SYT1: variants seen among roughly 807,000 people sequenced by gnomAD.
SYT1 encodes the protein synaptotagmin 1, also known as synaptotagmin-1.
A neutral mutation model predicts 44.8 loss-of-function variants in SYT1; 8 were observed. The observed-to-expected ratio is 0.18, with a 90% confidence interval of 0.10 to 0.32. SYT1 has a LOEUF of 0.32. Among genes scored for constraint, SYT1 ranks in the 10% least tolerant of loss-of-function variants. SYT1 has a pLI of 1.00. For synonymous variants in SYT1, 154 were observed against 188.8 expected (o/e 0.82, Z 1.51); for missense variants, 286 against 509.3 (o/e 0.56, Z 4.22).
intron 1 of SYT1, among the ~76,000 whole-genome samples, chr12:78,877,421 A>T (rs1446735831): frequency 1.3e-5 from 2 of 151,652 alleles, no homozygotes; most frequent in Admixed American, 6.6e-5. Flanking sequence ...CTACAATTCA[A>T]GATGATATCT....
intron 2 of SYT1, among the ~76,000 whole-genome samples, chr12:79,018,273 T>C (rs1334596027): frequency 7.0e-6 from 1 of 143,598 alleles, no homozygotes; most frequent in African/African-American, 2.6e-5. Flanking sequence ...ATGTTCTCAC[T>C]CATAGGTGGG....
intron 9 of SYT1, among the ~76,000 whole-genome samples, chr12:79,382,120 G>A (rs934767077): frequency 1.3e-5 from 2 of 152,232 alleles, no homozygotes; most frequent in Admixed American, 6.5e-5. Flanking sequence ...TTAAAGAAAC[G>A]CTACAGATGA....
At chr12:78,964,684 T>C (rs940076643) in intron 1 of SYT1, among the ~76,000 whole-genome samples, 1 of 152,186 alleles carries the variant, frequency 6.6e-6, no homozygotes, top group African/African-American at 2.4e-5. Flanking sequence ...AGTAAAAGAA[T>C]TCCTGTAAGT....
At chr12:78,956,319 G>A (rs1879215590) in intron 1 of SYT1, among the ~76,000 whole-genome samples, 1 of 152,048 alleles carries the variant, frequency 6.6e-6, no homozygotes, top group South Asian at 2.1e-4. Context: ...CACACTTATT[G>A]AGTTTGAATC....
At chr12:79,210,572 G>A (rs1232101900) in intron 3 of SYT1, among the ~76,000 whole-genome samples, 1 of 152,132 alleles carries the variant, frequency 6.6e-6, no homozygotes, top group South Asian at 2.1e-4. Context: ...TGCAAGTGCC[G>A]TTTATTCATT....
intron 1 of SYT1, chr12:78,960,533 T>C (rs1565737679): frequency 6.6e-6 from 1 of 152,186 alleles, no homozygotes; most frequent in Non-Finnish European, 1.5e-5. Flanking sequence ...GTGAGCTAAA[T>C]GTAACAAACA....
At chr12:79,194,974 G>A (rs546286823) in intron 3 of SYT1, among the ~76,000 whole-genome samples, 1 of 152,254 alleles carries the variant, frequency 6.6e-6, no homozygotes, top group East Asian at 1.9e-4. Context: ...AAGCTATTTT[G>A]CTAAACTTTA....
At chr12:79,269,913 T>C (rs1878332574) in intron 4 of SYT1, among the ~76,000 whole-genome samples, 1 of 152,224 alleles carries the variant, frequency 6.6e-6, no homozygotes, top group Non-Finnish European at 1.5e-5. Context: ...GGACCTCTGA[T>C]TGATTTAATC....
intron 3 of SYT1, among the ~76,000 whole-genome samples, chr12:79,130,507 T>C (rs900433926): frequency 1.3e-5 from 2 of 152,188 alleles, no homozygotes; most frequent in African/African-American, 2.4e-5. Context: ...TTCCAGATAA[T>C]ATATTCAAGA....
chr12:79,117,245 T>C (rs1001083788), intron 3 of SYT1, among the ~76,000 whole-genome samples: 6 of 152,106 alleles, frequency 3.9e-5, no homozygotes, highest in Admixed American at 1.3e-4. Context: ...GGTGCCTCAA[T>C]ATGTATTGAG....
At chr12:79,269,149 T>A (rs1429454211) in intron 4 of SYT1, among the ~76,000 whole-genome samples, 1 of 151,982 alleles carries the variant, frequency 6.6e-6, no homozygotes, top group African/African-American at 2.4e-5. Context: ...CTGGGCTCAA[T>A]GTTTTCATAC....
At chr12:79,432,780 A>C (rs1869874789) in intron 9 of SYT1, among the ~76,000 whole-genome samples, 1 of 151,954 alleles carries the variant, frequency 6.6e-6, no homozygotes, top group South Asian at 2.1e-4. Context: ...CACCCGGCTA[A>C]TTTTTGTATT....
At chr12:79,376,002 A>C (rs1369588584) in intron 9 of SYT1, among the ~76,000 whole-genome samples, 2 of 152,232 alleles carry the variant, frequency 1.3e-5, no homozygotes, top group East Asian at 3.8e-4. Flanking sequence ...AAAATGATTA[A>C]TCATTTCTAT....
chr12:79,014,028 G>A (rs930476541), intron 2 of SYT1, among the ~76,000 whole-genome samples: 1 of 150,626 alleles, frequency 6.6e-6, no homozygotes, highest in African/African-American at 2.4e-5. Flanking sequence ...GGGATCATGA[G>A]GCAGGAGAAT....
chr12:78,917,207 T>C (rs1436143808), intron 1 of SYT1, among the ~76,000 whole-genome samples: 1 of 152,052 alleles, frequency 6.6e-6, no homozygotes, highest in Non-Finnish European at 1.5e-5. Context: ...ACAGAACAAA[T>C]CTTACCCTAC....
At chr12:79,244,715 A>G (rs1002181762) in intron 4 of SYT1, among the ~76,000 whole-genome samples, 3 of 127,868 alleles carry the variant, frequency 2.3e-5, no homozygotes, top group South Asian at 2.5e-4. Context: ...AAAAAAGAAG[A>G]AAAAAAAAAA....
At chr12:79,341,391 C>T (rs1273213644) in intron 8 of SYT1, 1 of 152,084 alleles carries the variant, frequency 6.6e-6, no homozygotes, top group Non-Finnish European at 1.5e-5. Context: ...ATGTAGCTTC[C>T]AAGGTCACTC....
chr12:78,989,932 TA>T (rs1308183153), intron 2 of SYT1, among the ~76,000 whole-genome samples: 1 of 152,086 alleles, frequency 6.6e-6, no homozygotes, highest in African/African-American at 2.4e-5. Context: ...CCTCTCTGTA[TA>T]AAACTCTATG....
At chr12:79,097,584 A>C (rs1018532927) in intron 3 of SYT1, among the ~76,000 whole-genome samples, 5 of 151,922 alleles carry the variant, frequency 3.3e-5, no homozygotes, top group Non-Finnish European at 5.9e-5. Flanking sequence ...AATACTGTGT[A>C]ATCTTTGAAA....
Sources: gnomAD v4.1 joint callset for allele counts (sites outside exome capture counted in the v4.1 genomes callset) on GRCh38, gnomAD v4.1.1 for gene constraint, MANE v1.5 for transcripts, NCBI Gene and HGNC (gene_info 2026-07-23, HGNC 2026-07-21) for gene names.